The following STK36 variants were observed in gnomAD, a reference collection of about 807,000 sequenced individuals.
STK36 encodes the protein serine/threonine-protein kinase 36.
Under a neutral mutation model 142.2 loss-of-function variants are expected in STK36, and 116 were observed. That is an observed-to-expected ratio of 0.82 (90% CI 0.70 to 0.95). The LOEUF is 0.95. STK36 is among the 40% of genes least tolerant of loss of function. The pLI is 0.00. For synonymous variants in STK36, 619 were observed against 641.7 expected (o/e 0.96, Z 0.53); for missense variants, 1,422 against 1,617.2 (o/e 0.88, Z 2.07).
chr2:218,697,169 G>T lies in STK36; in HGVS notation c.2717G>T (p.Ser906Ile), dbSNP rs375090724. 3 of 1,614,000 alleles carry T rather than the reference G, an allele frequency of 1.9e-6. No individual in the cohort carries two copies. Among genetic ancestry groups the T allele is most frequent in the African/African-American group, 1.3e-5 (1 of 74,920 alleles). Residue 906 changes from serine to isoleucine, a missense_variant, in exon 23 of 27, where the codon AGT becomes ATT. Ser to Ile is a moderately radical substitution (Grantham distance 142, BLOSUM62 -2). Coordinates refer to ENST00000295709, the MANE Select transcript of STK36 (RefSeq NM_015690.5). ...SAQEGELSLS[S>I]PPSPEPDWTL... ...CAGGAAGGGGAGCTTTCGCTATCCAGTCCACCAAGCCCTGAGCCAGACTGG... is the reference window on the plus strand; with the variant it reads ...CAGGAAGGGGAGCTTTCGCTATCCATTCCACCAAGCCCTGAGCCAGACTGG...
chr2:218,675,841 C>T (rs1053484270), intron 5 of STK36, among the ~76,000 whole-genome samples, 188 bp from the exon 6 acceptor site: 5 of 152,048 alleles, frequency 3.3e-5, no homozygotes, highest in Admixed American at 6.6e-5. Context: ...GAATCTTAGA[C>T]CATACTCTTG....
intron 15 of STK36, 33 bp from the exon 16 acceptor site, chr2:218,692,550 G>T: frequency 6.3e-7 from 1 of 1,593,716 alleles, no homozygotes; most frequent in South Asian, 1.1e-5. Flanking sequence ...AGAGCCTCAG[G>T]CCTTTGGAGT....
Position 218,698,918 on chromosome 2 carries a change from T to C in STK36, c.3374T>C (p.Val1125Ala). The change falls in exon 26 of 27, where the codon GTG (valine) becomes GCG (alanine). Residue 1125 changes from valine (V) to alanine (A), a missense_variant. Val to Ala is a moderately conservative substitution (Grantham distance 64). Around this residue, in one of 2 missense-constraint regions of STK36, gnomAD observed 962 missense variants for 1,167.5 expected, o/e 0.82. Coordinates refer to ENST00000295709, the MANE Select transcript of STK36 (RefSeq NM_015690.5). ...RSLLGHPENS[V>A]RAHTYRLLGH... ...CTCCTGGGCCACCCAGAGAATTCTGTGCGGGCACACACTTATAGGCTCCTG... is the reference window on the plus strand; with the variant it reads ...CTCCTGGGCCACCCAGAGAATTCTGCGCGGGCACACACTTATAGGCTCCTG... The C allele has an allele frequency of 6.2e-7, 1 of 1,614,212 alleles. No individual in the cohort carries two copies. The highest frequency in any genetic ancestry group is 8.5e-7 in the Non-Finnish European group (1 of 1,180,036).
chr2:218,689,880 T>C lies in STK36; in HGVS notation c.1582T>C (p.Leu528=), dbSNP rs1940927316. The change falls in exon 13 of 27, where the codon TTA becomes CTA. Residue 528 remains leucine (L), a synonymous_variant. Coordinates refer to ENST00000295709, the MANE Select transcript of STK36 (RefSeq NM_015690.5). ...GCAGCAATCTTGGTATGGGACCTTC[T>C]TACAGGACCTGATGGCTGTGATTCA... ...LQQQSWYGTF[L]QDLMAVIQAY... The C allele has an allele frequency of 9.3e-6, 15 of 1,610,248 alleles. No homozygotes were observed. The highest frequency in any genetic ancestry group is 1.3e-5 in the Non-Finnish European group (15 of 1,178,228).
At chr2:218,673,554 G>A in intron 2 of STK36, 71 bp from the exon 3 acceptor site, 1 of 1,535,288 alleles carries the variant, frequency 6.5e-7, no homozygotes, top group South Asian at 1.3e-5. Flanking sequence ...GGAGCTCTGA[G>A]ATTAAGGCTG....
In STK36 at chr2:218,693,750, G is replaced by T; in HGVS notation, c.2176G>T (p.Glu726Ter). The part of the protein sequence containing the change: ...KVLYSCCLVS[E>*]GLCRLLGQEP... ...TCTATACTCCTGCTGCCTTGTCAGTGAGGGCCTGTGCCGTCTTCTGGGGCA... is the reference window on the plus strand; with the variant it reads ...TCTATACTCCTGCTGCCTTGTCAGTTAGGGCCTGTGCCGTCTTCTGGGGCA... Residue 726 changes from glutamate (E) to a stop codon, truncating the protein, a stop_gained, in exon 18 of 27, where the codon GAG becomes TAG. Coordinates refer to ENST00000295709, the MANE Select transcript of STK36 (RefSeq NM_015690.5). LOFTEE classifies it high-confidence loss of function. The T allele has an allele frequency of 6.2e-7, 1 of 1,614,116 alleles. No homozygotes were observed.
At chr2:218,692,110 C>T (rs1417705991) in intron 14 of STK36, 33 bp from the exon 15 acceptor site, 1 of 1,599,486 alleles carries the variant, frequency 6.3e-7, no homozygotes, top group Non-Finnish European at 8.6e-7. Context: ...TCTTCTGATG[C>T]CCTGATGCTA....
intron 13 of STK36, 148 bp downstream of exon 13, chr2:218,690,104 T>C: frequency 1.3e-6 from 1 of 758,242 alleles, no homozygotes; most frequent in Non-Finnish European, 2.2e-6. Context: ...TCATAGTCCT[T>C]TTAAGGACCC....
In STK36 at chr2:218,698,488, T is replaced by C. The variant is rs1941317920; in HGVS notation, c.3058-114T>C. ...AGTGCTGTGGGGCAGGACTTCCAGC[T>C]CTCTGTGGCATTTCTCACCATAGCT... is the stretch of plus-strand genomic sequence containing the variant. On this transcript the variant is annotated intron_variant, in intron 25 of 26. Coordinates refer to ENST00000295709, the MANE Select transcript of STK36 (RefSeq NM_015690.5). The C allele has an allele frequency of 2.6e-5, 35 of 1,331,086 alleles. No homozygotes were observed. The East Asian group carries it at 8.1e-4, about 31-fold the overall frequency. 82.5% of individuals were successfully genotyped at this position (1,331,086 alleles called of 1,614,324 possible).
At chr2:218,690,128 A>T (rs144724267) in intron 13 of STK36, among the ~76,000 whole-genome samples, 172 bp downstream of exon 13, 2 of 152,270 alleles carry the variant, frequency 1.3e-5, no homozygotes, top group East Asian at 3.9e-4. Flanking sequence ...GACAGCTCCA[A>T]CTTGGCCTCA....
Position 218,698,742 on chromosome 2 carries a change from C to G in STK36, c.3198C>G (p.Leu1066=), listed in dbSNP as rs776572274. 1 of 1,614,220 alleles carries G rather than the reference C, an allele frequency of 6.2e-7. No individual in the cohort carries two copies. Among genetic ancestry groups the G allele is most frequent in the South Asian group, 1.1e-5 (1 of 91,080 alleles). The change falls in exon 26 of 27, where the codon CTC becomes CTG. Residue 1066 remains leucine (L), a synonymous_variant. Coordinates refer to ENST00000295709, the MANE Select transcript of STK36 (RefSeq NM_015690.5). ...CCCCTAGAACCATCGTCTCGTTTCT[C>G]TCAGTTGCCCTCCTGAGTGACCAGC... is the stretch of plus-strand genomic sequence containing the variant. ...SASPRTIVSF[L]SVALLSDQPL...
chr2:218,688,466 T>C, intron 11 of STK36: 2 of 598,150 alleles, frequency 3.3e-6, no homozygotes, highest in Non-Finnish European at 6.1e-6. Context: ...GAGGCCCCTA[T>C]CCGTTGGTCA....
At chr2:218,697,368 G>T in intron 23 of STK36, 95 bp from the exon 24 acceptor site, 1 of 1,538,952 alleles carries the variant, frequency 6.5e-7, no homozygotes, top group Non-Finnish European at 8.7e-7. Flanking sequence ...AGATGGGGAA[G>T]GGACTGAATA....
At position 218,676,286 on chromosome 2, in the gene STK36, A is replaced by C. The variant is rs377729892; in HGVS notation, c.684+8A>C. The C allele has an allele frequency of 3.7e-6, 6 of 1,613,698 alleles. No individual in the cohort carries two copies. On this transcript the variant is annotated splice_region_variant and intron_variant, in intron 6 of 26. Transcript: ENST00000295709. ...ATCAGTCCCTGCTTTAAGGTAATGA[A>C]TATTGAAAGGGAGATGACTTTTACA...
Position 218,692,675 on chromosome 2 carries a change from G to C in STK36, c.2008G>C (p.Val670Leu), listed in dbSNP as rs1468764134. The C allele has an allele frequency of 1.2e-6, 2 of 1,613,518 alleles. No individual in the cohort carries two copies. The highest frequency in any genetic ancestry group is 8.5e-7 in the Non-Finnish European group (1 of 1,179,928). Residue 670 changes from valine to leucine, a missense_variant, in exon 16 of 27, where the codon GTG becomes CTG. Physicochemically the swap from Val to Leu is conservative, Grantham distance 32 (BLOSUM62 1). Transcript: ENST00000295709. ...SALAAICTAP[V>L]GLPDCWDAKE... ...CCTGGCAGCCATATGCACTGCTCCT[G>C]TGGGACTGCCCGACTGCTGGGATGC...
chr2:218,679,197 C>T lies in STK36; in HGVS notation c.714C>T (p.Asp238=). The T allele has an allele frequency of 1.2e-6, 2 of 1,614,166 alleles. No homozygotes were observed. Among genetic ancestry groups the T allele is most frequent in the Non-Finnish European group, 1.7e-6 (2 of 1,180,024 alleles). ...TCCTGCAGGGACTGCTCACCAAAGA[C>T]CCACGGCAGCGACTGTCCTGGCCAG... is the stretch of plus-strand genomic sequence containing the variant. ...KNFLQGLLTK[D]PRQRLSWPDL... Residue 238 remains aspartate, a synonymous_variant, in exon 7 of 27, where the codon GAC becomes GAT. Coordinates refer to ENST00000295709, the MANE Select transcript of STK36 (RefSeq NM_015690.5).
chr2:218,685,270 T>G (rs749962399), intron 11 of STK36, 42 bp downstream of exon 11: 2 of 1,608,832 alleles, frequency 1.2e-6, no homozygotes, highest in East Asian at 4.5e-5. Context: ...CAAGACTGTT[T>G]TCACAGATGG....
intron 26 of STK36, among the ~76,000 whole-genome samples, chr2:218,700,850 A>G (rs1941414892): frequency 6.6e-6 from 1 of 151,280 alleles, no homozygotes; most frequent in Non-Finnish European, 1.5e-5. Context: ...TGTCTCTACT[A>G]AAAATACAAA....
At position 218,702,257 on chromosome 2, in the gene STK36, A is replaced by G. The variant is rs1046907176; in HGVS notation, c.*248A>G. 7.7e-6 allele frequency: 3 copies of G among 392,010 alleles called. No individual in the cohort carries two copies. The highest frequency in any genetic ancestry group is 1.3e-5 in the Non-Finnish European group (3 of 224,948). 24.3% of individuals were successfully genotyped at this position (392,010 alleles called of 1,614,324 possible). A position where few individuals can be genotyped will look rare whatever the true frequency, so the allele number is the denominator to read the frequency against. ...GAAGAGTCCTTTCTTCTCTACATCC[A>G]GGGGCCTTTTCTCCAATAATGTGCC... On this transcript the variant is annotated 3_prime_UTR_variant, in exon 27 of 27. Coordinates refer to ENST00000295709, the MANE Select transcript of STK36 (RefSeq NM_015690.5).
Sources: gnomAD v4.1 joint callset for allele counts (sites outside exome capture counted in the v4.1 genomes callset) on GRCh38, gnomAD v4.1.1 for gene constraint, gnomAD v4.1.1 regional missense constraint, MANE v1.5 for transcripts, NCBI Gene and HGNC (gene_info 2026-07-23, HGNC 2026-07-21) for gene names.